The following CNNM2 variants were observed in gnomAD, a reference collection of about 807,000 sequenced individuals.
The protein encoded by CNNM2 is metal transporter CNNM2.
In CNNM2, 12 loss-of-function variants were observed where a neutral mutation model predicts 66.9. The ratio of observed to expected loss-of-function variants is 0.18; its 90% CI spans 0.11 to 0.29. CNNM2 has a LOEUF of 0.29. CNNM2 is among the 10% of genes least tolerant of loss of function. The pLI is 1.00. For synonymous variants in CNNM2, 557 were observed against 501.8 expected (o/e 1.11, Z -1.47); for missense variants, 705 against 1,167.7 (o/e 0.60, Z 5.77).
chr10:103,074,680 A>C (rs986654410), intron 6 of CNNM2, among the ~76,000 whole-genome samples: 8 of 152,062 alleles, frequency 5.3e-5, no homozygotes, highest in Admixed American at 1.3e-4. Context: ...CCAAAAATAC[A>C]AAACTTAGCT....
rs2065881293 is a variant in CNNM2, at chr10:103,087,944, A to T, written c.*10764A>T. On this transcript the variant is annotated 3_prime_UTR_variant, in exon 8 of 8. Transcript: ENST00000369878. ...TTCTCTGCTTATAAAATAATTTTTT[A>T]AAAAGCCTCACTTCACAGTCCTGTT... 6.6e-6 allele frequency: 1 copy of T among 152,242 alleles called. No homozygotes were observed. The highest frequency in any genetic ancestry group is 1.5e-5 in the Non-Finnish European group (1 of 68,032). 9.4% of individuals were successfully genotyped at this position (152,242 alleles called of 1,614,324 possible). A position where few individuals can be genotyped will look rare whatever the true frequency, so the allele number is the denominator to read the frequency against.
chr10:103,071,873 T>TGA (rs1564871112), intron 6 of CNNM2, 34 bp downstream of exon 6: 1 of 1,596,108 alleles, frequency 6.3e-7, no homozygotes, highest in Admixed American at 1.7e-5. Flanking sequence ...GTAATTCTCC[T>TGA]GATTGCCTTC....
At position 103,049,696 on chromosome 10, in the gene CNNM2, T is replaced by C; in HGVS notation, c.1622-11T>C. 1 of 1,605,192 alleles carries C rather than the reference T, an allele frequency of 6.2e-7. No individual in the cohort carries two copies. Among genetic ancestry groups the C allele is most frequent in the Non-Finnish European group, 8.5e-7 (1 of 1,176,212 alleles). On this transcript the variant is annotated splice_polypyrimidine_tract_variant and intron_variant, in intron 1 of 7. Transcript: ENST00000369878. ...GAAAGTCACTTCCTAAACTTTTTCT[T>C]GTCTCTAAAGGTAAATCTCACCTGG...
chr10:102,961,084 G>A (rs1016976460), intron 1 of CNNM2, among the ~76,000 whole-genome samples: 4 of 151,302 alleles, frequency 2.6e-5, no homozygotes, highest in East Asian at 3.9e-4. Context: ...CACCGTGTTG[G>A]CCAGGCTGGT....
chr10:102,975,554 A>G (rs2063616261), intron 1 of CNNM2, among the ~76,000 whole-genome samples: 1 of 152,040 alleles, frequency 6.6e-6, no homozygotes, highest in African/African-American at 2.4e-5. Context: ...CTGCAAATAC[A>G]TGTATGTACA....
intron 1 of CNNM2, among the ~76,000 whole-genome samples, chr10:103,035,984 C>A (rs966065459): frequency 2.0e-5 from 3 of 152,188 alleles, no homozygotes. Context: ...TTATACGCAT[C>A]AGTCATTAGC....
chr10:103,076,931 A>G lies in CNNM2; in HGVS notation c.2419-40A>G, dbSNP rs1000458972. 15 of 1,570,218 alleles carry G rather than the reference A, an allele frequency of 9.6e-6. No homozygotes were observed. The African/African-American group carries it at 2.0e-4, about 21-fold the overall frequency. ...GAGATCAGAGAACCTAAAAATAAGCATTATCTTGGTTTGTTTTCTGTGCCA... is the reference window on the plus strand; with the variant it reads ...GAGATCAGAGAACCTAAAAATAAGCGTTATCTTGGTTTGTTTTCTGTGCCA... On this transcript the variant is annotated intron_variant, in intron 7 of 7. Coordinates refer to ENST00000369878, the MANE Select transcript of CNNM2 (RefSeq NM_017649.5).
Position 103,089,501 on chromosome 10 carries a change from C to A in CNNM2, c.*12321C>A. ...GGACCATCTGCAGAGAGTACAGATA[C>A]ACAAAACCAAAACAAGTATCTATGA... is the stretch of plus-strand genomic sequence containing the variant. On this transcript the variant is annotated 3_prime_UTR_variant, in exon 8 of 8. Coordinates refer to ENST00000369878, the MANE Select transcript of CNNM2 (RefSeq NM_017649.5). The A allele has an allele frequency of 7.8e-7, 1 of 1,278,646 alleles. No individual in the cohort carries two copies. Among genetic ancestry groups the A allele is most frequent in the South Asian group, 1.9e-5 (1 of 53,978 alleles). The allele number at this position is 1,278,646 out of a possible 1,614,324, so 79.2% of individuals were successfully genotyped here. A position where few individuals can be genotyped will look rare whatever the true frequency, so the allele number is the denominator to read the frequency against.
chr10:103,008,986 A>C (rs2064283194), intron 1 of CNNM2, among the ~76,000 whole-genome samples: 1 of 151,866 alleles, frequency 6.6e-6, no homozygotes, highest in South Asian at 2.1e-4. Context: ...TCTTAAAAAT[A>C]CAGCTAATGG....
chr10:102,937,387 T>A (rs1367087499), intron 1 of CNNM2, among the ~76,000 whole-genome samples: 2 of 152,056 alleles, frequency 1.3e-5, no homozygotes, highest in Non-Finnish European at 2.9e-5. Context: ...AAAAAAAATG[T>A]TTTGTTAAGT....
intron 1 of CNNM2, among the ~76,000 whole-genome samples, chr10:102,956,324 A>C (rs1302581944): frequency 2.0e-5 from 3 of 151,244 alleles, no homozygotes; most frequent in African/African-American, 2.4e-5. Flanking sequence ...GAAACAACAG[A>C]TGCTGGAGAG....
chr10:102,935,724 C>A (rs1846214318), intron 1 of CNNM2, among the ~76,000 whole-genome samples: 1 of 149,796 alleles, frequency 6.7e-6, no homozygotes. Flanking sequence ...GATCCTCCCG[C>A]CTCAGCCTGC....
chr10:103,060,996 A>G (rs993737047), intron 4 of CNNM2, among the ~76,000 whole-genome samples: 3 of 152,230 alleles, frequency 2.0e-5, no homozygotes, highest in Admixed American at 6.5e-5. Context: ...GTGGTCTGTC[A>G]GTTTTAAGAA....
chr10:102,957,250 G>C (rs1256578630), intron 1 of CNNM2, among the ~76,000 whole-genome samples: 1 of 152,190 alleles, frequency 6.6e-6, no homozygotes, highest in Non-Finnish European at 1.5e-5. Flanking sequence ...AGGTTGCAGT[G>C]AGCCGAGATT....
chr10:102,973,716 T>G (rs969322229), intron 1 of CNNM2, among the ~76,000 whole-genome samples: 2 of 152,152 alleles, frequency 1.3e-5, no homozygotes, highest in Non-Finnish European at 2.9e-5. Context: ...TTTTAATATT[T>G]CATTTTAGAC....
chr10:102,997,184 T>C (rs2064019552), intron 1 of CNNM2, among the ~76,000 whole-genome samples: 1 of 152,214 alleles, frequency 6.6e-6, no homozygotes, highest in Admixed American at 6.5e-5. Flanking sequence ...GAATTCTAGA[T>C]TGAAGAGAAT....
At chr10:103,013,972 C>T (rs962396045) in intron 1 of CNNM2, among the ~76,000 whole-genome samples, 4 of 152,146 alleles carry the variant, frequency 2.6e-5, no homozygotes, top group Non-Finnish European at 5.9e-5. Flanking sequence ...TCCCTTAAGA[C>T]AATTAGGACC....
Position 102,920,111 on chromosome 10 carries a change from T to A in CNNM2, c.1621+10T>A, listed in dbSNP as rs1381710030. The A allele has an allele frequency of 6.2e-7, 1 of 1,614,108 alleles. No homozygotes were observed. On this transcript the variant is annotated intron_variant, in intron 1 of 7. Transcript: ENST00000369878. Reference sequence around the variant, plus strand: ...GAAGAATTTAAGAAAGGTGGGAAATTTTGGTCTCTTTCATTGGCTTGCTCT... The same window carrying A: ...GAAGAATTTAAGAAAGGTGGGAAATATTGGTCTCTTTCATTGGCTTGCTCT...
chr10:103,058,291 T>G (rs1564865084), intron 4 of CNNM2, among the ~76,000 whole-genome samples: 1 of 152,224 alleles, frequency 6.6e-6, no homozygotes, highest in Admixed American at 6.5e-5. Flanking sequence ...GGAATTTAGT[T>G]TATTTACTGC....
Sources: gnomAD v4.1 joint callset for allele counts (sites outside exome capture counted in the v4.1 genomes callset) on GRCh38, gnomAD v4.1.1 for gene constraint, MANE v1.5 for transcripts, NCBI Gene and HGNC (gene_info 2026-07-23, HGNC 2026-07-21) for gene names.